Variants in IQGAP1 observed in about 807,000 individuals in gnomAD.
IQGAP1 encodes the protein IQ motif containing GTPase activating protein 1.
IQGAP1 carries 66 observed loss-of-function variants against 215.6 expected under a neutral mutation model. That is an observed-to-expected ratio of 0.31 (90% confidence interval 0.25 to 0.38). The LOEUF (loss-of-function observed/expected upper bound fraction) is 0.38. IQGAP1 is among the 10% of genes least tolerant of loss of function. The pLI, the probability that IQGAP1 is intolerant of heterozygous loss-of-function variation, is 1.00. For synonymous variants in IQGAP1, 772 were observed against 728.7 expected (o/e 1.06, Z -0.96); for missense variants, 1,712 against 1,997.1 (o/e 0.86, Z 2.72).
chr15:90,422,644 A>ATG (rs1447267972), intron 2 of IQGAP1, among the ~76,000 whole-genome samples: 5 of 69,792 alleles, frequency 7.2e-5, no homozygotes, highest in African/African-American at 3.2e-4. Flanking sequence ...ATATATGTAT[A>ATG]TGTATATATA....
chr15:90,450,621 T>G (rs998611541), intron 11 of IQGAP1, among the ~76,000 whole-genome samples: 1 of 152,000 alleles, frequency 6.6e-6, no homozygotes, highest in African/African-American at 2.4e-5. Flanking sequence ...TGTTATTTTT[T>G]GTCTTTGATA....
intron 2 of IQGAP1, among the ~76,000 whole-genome samples, chr15:90,405,711 C>T (rs1269162644): frequency 6.6e-6 from 1 of 151,124 alleles, no homozygotes; most frequent in East Asian, 1.9e-4. Context: ...ATGCAATATT[C>T]CTCAAACCTA....
chr15:90,486,830 A>G (rs1966133403), intron 31 of IQGAP1, 124 bp from the exon 32 acceptor site: 1 of 942,666 alleles, frequency 1.1e-6, no homozygotes, highest in African/African-American at 1.7e-5. Context: ...TGTTCTCGTC[A>G]CACTGTATGT....
chr15:90,465,372 G>A (rs928778132), intron 15 of IQGAP1, among the ~76,000 whole-genome samples: 1 of 152,226 alleles, frequency 6.6e-6, no homozygotes, highest in African/African-American at 2.4e-5. Context: ...TTGTCACCCT[G>A]TTAAAGTCTC....
chr15:90,500,044 A>G lies in IQGAP1; in HGVS notation c.4910A>G (p.Asp1637Gly), dbSNP rs1966322379. Residue 1637 changes from aspartate (D) to glycine (G), a missense_variant, in exon 38 of 38, where the codon GAT (aspartate) becomes GGT (glycine). Around this residue, in one of 2 missense-constraint regions of IQGAP1, gnomAD observed 691 missense variants for 923.0 expected, o/e 0.75. Transcript: ENST00000268182. The part of the protein sequence containing the change: ...YEGVAVMKLF[D>G]RAKVNVNLLI... Reference sequence around the variant, plus strand: ...GGAGTTGCAGTCATGAAATTATTTGATAGAGCTAAAGTAAATGTCAACCTC... The same window carrying G: ...GGAGTTGCAGTCATGAAATTATTTGGTAGAGCTAAAGTAAATGTCAACCTC... 6.2e-7 allele frequency: 1 copy of G among 1,613,258 alleles called. No individual in the cohort carries two copies. Among genetic ancestry groups the G allele is most frequent in the Non-Finnish European group, 8.5e-7 (1 of 1,179,166 alleles).
At chr15:90,439,542 A>C in intron 6 of IQGAP1, 143 bp downstream of exon 6, 1 of 573,178 alleles carries the variant, frequency 1.7e-6, no homozygotes, top group Non-Finnish European at 3.1e-6. Flanking sequence ...TTGCTTCTCT[A>C]ATGTGGGGTA....
At chr15:90,400,418 T>C (rs1022872811) in intron 2 of IQGAP1, among the ~76,000 whole-genome samples, 3 of 152,220 alleles carry the variant, frequency 2.0e-5, no homozygotes, top group Non-Finnish European at 4.4e-5. Context: ...GTCTCCATTC[T>C]TGTTAATAGC....
At chr15:90,488,732 A>G (rs1036519776) in intron 33 of IQGAP1, among the ~76,000 whole-genome samples, 8 of 152,162 alleles carry the variant, frequency 5.3e-5, no homozygotes, top group African/African-American at 1.9e-4. Context: ...TAAAGGTGGA[A>G]AGGATTTGGG....
At chr15:90,406,818 A>C (rs781453348) in intron 2 of IQGAP1, among the ~76,000 whole-genome samples, 3 of 152,198 alleles carry the variant, frequency 2.0e-5, no homozygotes, top group Non-Finnish European at 4.4e-5. Flanking sequence ...CCTACATTGG[A>C]GTTCAAAAAG....
chr15:90,390,552 A>G (rs1964621258), intron 1 of IQGAP1, among the ~76,000 whole-genome samples: 1 of 152,234 alleles, frequency 6.6e-6, no homozygotes, highest in Non-Finnish European at 1.5e-5. Context: ...AACTTAGTAC[A>G]TATTTATATT....
intron 37 of IQGAP1, among the ~76,000 whole-genome samples, chr15:90,498,935 G>T (rs977881430): frequency 3.0e-4 from 45 of 152,164 alleles, no homozygotes; most frequent in African/African-American, 1.1e-3. Context: ...TCAGCCTCCT[G>T]AGTAGCTGAG....
chr15:90,443,416 G>A lies in IQGAP1; in HGVS notation c.851G>A (p.Arg284Lys), dbSNP rs767556529. Residue 284 changes from arginine to lysine, a missense_variant, in exon 9 of 38, where the codon AGA becomes AAA. Around this residue, in one of 2 missense-constraint regions of IQGAP1, gnomAD observed 1,021 missense variants for 1,074.2 expected, o/e 0.95. Coordinates refer to ENST00000268182, the MANE Select transcript of IQGAP1 (RefSeq NM_003870.4). ...CAGACAGAAAACTCAGAGAGAGAAA[G>A]AGATGTTTATGAGGAGCTGCTCACG... ...KNRTENSERE[R>K]DVYEELLTQA... 4 of 1,613,192 alleles carry A rather than the reference G, an allele frequency of 2.5e-6. No individual in the cohort carries two copies. In the South Asian group the frequency reaches 4.4e-5, roughly 18 times the overall value.
At chr15:90,471,335 T>G (rs907034803) in intron 18 of IQGAP1, among the ~76,000 whole-genome samples, 2 of 151,988 alleles carry the variant, frequency 1.3e-5, no homozygotes. Context: ...AATGACAGTT[T>G]GGAGCTTTGA....
intron 2 of IQGAP1, 180 bp downstream of exon 2, chr15:90,391,053 T>C: frequency 1.9e-6 from 1 of 515,082 alleles, no homozygotes; most frequent in South Asian, 2.1e-5. Context: ...TTGGGCAACA[T>C]AGTGACACCC....
intron 33 of IQGAP1, among the ~76,000 whole-genome samples, chr15:90,489,243 C>T (rs1274558167): frequency 1.3e-5 from 2 of 151,808 alleles, no homozygotes; most frequent in African/African-American, 2.4e-5. Context: ...ATTCTCCTGC[C>T]TCAGCCTCCC....
rs899604097 is a variant in IQGAP1 at position 90,419,849 on chromosome 15, G to T, written c.156-6261G>T. Reference sequence around the variant, plus strand: ...CTCCTGTTCCATTTCAGGCTGGTCAGACCATACCTGGAACACAGTGTTCAG... The same window carrying T: ...CTCCTGTTCCATTTCAGGCTGGTCATACCATACCTGGAACACAGTGTTCAG... On this transcript the variant is annotated intron_variant, in intron 2 of 37. Transcript: ENST00000268182. Among the ~76,000 whole-genome samples the T allele has an allele frequency of 2.6e-4, 39 of 152,202 alleles. 2 individuals carry two copies.
intron 2 of IQGAP1, among the ~76,000 whole-genome samples, chr15:90,395,926 T>G (rs1441130693): frequency 6.6e-6 from 1 of 152,160 alleles, no homozygotes; most frequent in Non-Finnish European, 1.5e-5. Context: ...GGTGTGCGCT[T>G]TCAAGTCTGT....
intron 15 of IQGAP1, among the ~76,000 whole-genome samples, chr15:90,463,597 A>G (rs1390684062): frequency 6.6e-6 from 1 of 152,178 alleles, no homozygotes; most frequent in East Asian, 1.9e-4. Context: ...GTGTGTGGTC[A>G]TTTTCTATTT....
At chr15:90,390,225 A>G (rs1317701717) in intron 1 of IQGAP1, among the ~76,000 whole-genome samples, 4 of 152,218 alleles carry the variant, frequency 2.6e-5, no homozygotes, top group East Asian at 1.9e-4. Context: ...GGTTAAGCTC[A>G]GGCTTTGGAG....
Sources: allele counts gnomAD v4.1 joint callset (sites outside exome capture counted in the v4.1 genomes callset), GRCh38; gene constraint gnomAD v4.1.1; regional missense constraint gnomAD v4.1.1; transcripts MANE v1.5; gene names NCBI Gene and HGNC (gene_info 2026-07-23, HGNC 2026-07-21).